Variants in PCDHA10 observed in about 807,000 individuals in gnomAD.
PCDHA10 encodes the protein protocadherin alpha 10, also known as protocadherin alpha-10.
A neutral mutation model predicts 61.2 loss-of-function variants in PCDHA10; 45 were observed. That is an observed-to-expected ratio of 0.74 (90% confidence interval 0.58 to 0.94). PCDHA10 has a LOEUF of 0.94. Ranked by LOEUF, PCDHA10 falls within the 40% of genes least tolerant of loss-of-function variation. The pLI, the probability that PCDHA10 is intolerant of heterozygous loss-of-function variation, is 0.00. For missense variants in PCDHA10, 1,278 were observed against 1,236.2 expected, an observed-to-expected ratio of 1.03 and a Z score of -0.51; for synonymous variants, 602 against 548.8, an observed-to-expected ratio of 1.10 and a Z score of -1.35.
intron 1 of PCDHA10, chr5:140,870,813 C>A: frequency 3.7e-6 from 6 of 1,613,700 alleles, no homozygotes; most frequent in Non-Finnish European, 5.1e-6. Context: ...CTCAGGCTGG[C>A]AGCGCGGGAG....
intron 1 of PCDHA10, chr5:140,928,982 G>T: frequency 6.2e-7 from 1 of 1,613,824 alleles, no homozygotes; most frequent in Non-Finnish European, 8.5e-7. Flanking sequence ...TTATTTCTGG[G>T]GTGCTTACTT....
At chr5:140,907,411 GA>G (rs1435126945) in intron 1 of PCDHA10, among the ~76,000 whole-genome samples, 1 of 152,192 alleles carries the variant, frequency 6.6e-6, no homozygotes, top group Non-Finnish European at 1.5e-5. Flanking sequence ...GGAATACCAC[GA>G]TGGTGGATAA....
In PCDHA10 at chr5:140,857,747, T is replaced by C. The variant is rs2150398019; in HGVS notation, c.1699T>C (p.Ser567Pro). The change falls in exon 1 of 4, where the codon TCT becomes CCT. Residue 567 changes from serine (S) to proline (P), a missense_variant. Ser to Pro is a moderately conservative substitution (Grantham distance 74). Transcript: ENST00000307360. Reference sequence around the variant, plus strand: ...CGACAACGCTCCCGCGCTGCTGGCGTCTCCCGCTGGCAGCGCGGGCGGTGC... The same window carrying C: ...CGACAACGCTCCCGCGCTGCTGGCGCCTCCCGCTGGCAGCGCGGGCGGTGC... The part of the protein sequence containing the change: ...ENDNAPALLA[S>P]PAGSAGGAVS... The C allele has an allele frequency of 1.3e-6, 2 of 1,597,058 alleles. No homozygotes were observed. The highest frequency in any genetic ancestry group is 1.1e-5 in the South Asian group (1 of 90,450).
intron 1 of PCDHA10, among the ~76,000 whole-genome samples, chr5:140,915,719 T>A (rs545655335): frequency 6.6e-6 from 1 of 151,956 alleles, no homozygotes; most frequent in African/African-American, 2.4e-5. Flanking sequence ...GCCCCCACTT[T>A]GGATTGTGCT....
At chr5:140,929,036 C>T in intron 1 of PCDHA10, 1 of 1,614,178 alleles carries the variant, frequency 6.2e-7, no homozygotes, top group Non-Finnish European at 8.5e-7. Flanking sequence ...GGCTGTTGCG[C>T]TCAGAGCTGC....
chr5:140,900,312 T>C (rs902600593), intron 1 of PCDHA10, among the ~76,000 whole-genome samples: 1 of 151,284 alleles, frequency 6.6e-6, no homozygotes, highest in African/African-American at 2.4e-5. Flanking sequence ...AGTCTCACTT[T>C]TGTCGCCCAG....
Position 140,883,704 on chromosome 5 carries a change from C to A in PCDHA10, c.2388+25268C>A, listed in dbSNP as rs782488934. The A allele has an allele frequency of 1.9e-5, 31 of 1,613,628 alleles. 1 individual carries two copies. In the Middle Eastern group the frequency reaches 5.0e-4, roughly 26 times the overall value. ...GGCTGCCACATCTTCACGGTGTCTG[C>A]TCAGGACGCGGACGCACAGGAGAAC... On this transcript the variant is annotated intron_variant, in intron 1 of 3. Transcript: ENST00000307360.
At chr5:140,966,927 C>A in intron 1 of PCDHA10, 1 of 1,603,516 alleles carries the variant, frequency 6.2e-7, no homozygotes, top group Non-Finnish European at 8.5e-7. Context: ...GAGCAGGCAC[C>A]CGGCGCGCTC....
rs1307653192 is a variant in PCDHA10, at chr5:141,009,883, G to C, written c.2793G>C (p.Lys931Asn). 1.2e-6 allele frequency: 2 copies of C among 1,613,212 alleles called. No individual in the cohort carries two copies. Among genetic ancestry groups the C allele is most frequent in the Non-Finnish European group, 1.7e-6 (2 of 1,179,888 alleles). Reference sequence around the variant, plus strand: ...AGAAGAAAAAGAAGAAGGGTAACAAGACCCAGGAGAAAAAAGAGAAAGGGA... The same window carrying C: ...AGAAGAAAAAGAAGAAGGGTAACAACACCCAGGAGAAAAAAGAGAAAGGGA... ...KKKKKKKKGNKTQEKKEKGNS... is the reference protein window; with the variant it reads ...KKKKKKKKGNNTQEKKEKGNS... The change falls in exon 4 of 4, where the codon AAG becomes AAC. Residue 931 changes from lysine (K) to asparagine (N), a missense_variant. Coordinates refer to ENST00000307360, the MANE Select transcript of PCDHA10 (RefSeq NM_018901.4).
intron 1 of PCDHA10, among the ~76,000 whole-genome samples, chr5:140,978,596 C>T (rs2096811689): frequency 6.6e-6 from 1 of 152,204 alleles, no homozygotes; most frequent in African/African-American, 2.4e-5. Context: ...CTTAATGGGG[C>T]ACTTGAGGGC....
chr5:140,978,820 TG>T, intron 1 of PCDHA10, 128 bp from the exon 2 acceptor site: 2 of 1,517,498 alleles, frequency 1.3e-6, no homozygotes, highest in Non-Finnish European at 1.8e-6. Flanking sequence ...GAGTTACACA[TG>T]AAATGGCTCA....
chr5:140,897,389 C>G (rs1212817070), intron 1 of PCDHA10, among the ~76,000 whole-genome samples: 1 of 139,546 alleles, frequency 7.2e-6, no homozygotes, highest in Non-Finnish European at 1.5e-5. Context: ...CTTCCTGTGT[C>G]CATGTGTTCT....
chr5:140,923,183 C>G (rs2081208346), intron 1 of PCDHA10, among the ~76,000 whole-genome samples: 2 of 152,206 alleles, frequency 1.3e-5, no homozygotes, highest in South Asian at 4.1e-4. Context: ...TCAGATGCAT[C>G]TACTGCAGCA....
intron 1 of PCDHA10, among the ~76,000 whole-genome samples, chr5:140,952,538 T>C (rs558395294): frequency 6.6e-6 from 1 of 152,256 alleles, no homozygotes; most frequent in South Asian, 2.1e-4. Flanking sequence ...AGACTGGACT[T>C]CTTTGTCCAT....
intron 3 of PCDHA10, among the ~76,000 whole-genome samples, chr5:140,991,432 C>T (rs2153896288): frequency 6.6e-6 from 1 of 152,310 alleles, no homozygotes; most frequent in Non-Finnish European, 1.5e-5. Flanking sequence ...TAACCATAAA[C>T]TTCATGGCTT....
At chr5:140,982,296 C>A in intron 2 of PCDHA10, 179 bp from the exon 3 acceptor site, 1 of 1,167,132 alleles carries the variant, frequency 8.6e-7, no homozygotes, top group Non-Finnish European at 1.2e-6. Flanking sequence ...AGTAAGTCAG[C>A]AATGCTTCTG....
At chr5:140,910,935 C>T (rs192394348) in intron 1 of PCDHA10, among the ~76,000 whole-genome samples, 4 of 152,192 alleles carry the variant, frequency 2.6e-5, no homozygotes, top group African/African-American at 9.6e-5. Context: ...TAAGAAAGCT[C>T]AAGCAGTTCT....
At chr5:140,895,292 C>A (rs1032250917) in intron 1 of PCDHA10, among the ~76,000 whole-genome samples, 2 of 152,044 alleles carry the variant, frequency 1.3e-5, no homozygotes. Context: ...TTAGGACCTT[C>A]GATTTCCCCC....
At chr5:140,968,907 C>G in intron 1 of PCDHA10, 1 of 1,614,180 alleles carries the variant, frequency 6.2e-7, no homozygotes. Context: ...GCATTAAGCA[C>G]AGTGTCTTTT....
Sources: gnomAD v4.1 joint callset for allele counts (sites outside exome capture counted in the v4.1 genomes callset) on GRCh38, gnomAD v4.1.1 for gene constraint, MANE v1.5 for transcripts, NCBI Gene and HGNC (gene_info 2026-07-23, HGNC 2026-07-21) for gene names.